The following SLC32A1 variants were observed in gnomAD, a reference collection of about 807,000 sequenced individuals.
SLC32A1 encodes vesicular inhibitory amino acid transporter.
SLC32A1 carries 8 observed loss-of-function variants against 35.5 expected under a neutral mutation model. The ratio of observed to expected loss-of-function variants is 0.23; its 90% CI spans 0.13 to 0.41. SLC32A1 has a LOEUF of 0.41. Among genes scored for constraint, SLC32A1 ranks in the 10% least tolerant of loss-of-function variants. The pLI is 1.00. For missense variants in SLC32A1, 493 were observed against 722.3 expected, an observed-to-expected ratio of 0.68 and a Z score of 3.64; for synonymous variants, 317 against 326.3, an observed-to-expected ratio of 0.97 and a Z score of 0.31.
Position 38,728,672 on chromosome 20 carries a change from G to A in SLC32A1, c.*33G>A, listed in dbSNP as rs778899279. Reference sequence around the variant, plus strand: ...GGGCGAGCCCCCGCCGCGCTTCTGCGCTCTCTCCCTTCTCCCCTCACCCCG... The same window carrying A: ...GGGCGAGCCCCCGCCGCGCTTCTGCACTCTCTCCCTTCTCCCCTCACCCCG... On this transcript the variant is annotated 3_prime_UTR_variant, in exon 2 of 2. Transcript: ENST00000217420. The A allele has an allele frequency of 4.5e-6, 7 of 1,544,988 alleles. No homozygotes were observed. Among genetic ancestry groups the A allele is most frequent in the Non-Finnish European group, 6.1e-6 (7 of 1,143,438 alleles).
In SLC32A1 at chr20:38,727,664, G is replaced by A; in HGVS notation, c.603G>A (p.Leu201=). 3 of 1,614,156 alleles carry A rather than the reference G, an allele frequency of 1.9e-6. No individual in the cohort carries two copies. The highest frequency in any genetic ancestry group is 1.1e-5 in the South Asian group (1 of 91,086). Reference sequence around the variant, plus strand: ...GCTGCGCCCCGCGCTTCCCAACGCTGGGCGGCCGAGTGGTGAACGTAGCGC... The same window carrying A: ...GCTGCGCCCCGCGCTTCCCAACGCTAGGCGGCCGAGTGGTGAACGTAGCGC... The part of the protein sequence containing the change: ...NACCAPRFPT[L]GGRVVNVAQI... Residue 201 remains leucine, a synonymous_variant, in exon 2 of 2, where the codon CTG becomes CTA. Transcript: ENST00000217420.
Position 38,724,653 on chromosome 20 carries a change from C to A in SLC32A1, c.-72C>A. 6.6e-7 allele frequency: 1 copy of A among 1,522,134 alleles called. No homozygotes were observed. The highest frequency in any genetic ancestry group is 1.3e-5 in the South Asian group (1 of 78,464). 94.3% of individuals were successfully genotyped at this position (1,522,134 alleles called of 1,614,324 possible). On this transcript the variant is annotated 5_prime_UTR_variant, in exon 1 of 2. Transcript: ENST00000217420. ...GAGATAGCGACTTTGCGCCCCCCAG[C>A]CCTCGCCTTCTTGCATCGCGTTCCC... is the stretch of plus-strand genomic sequence containing the variant.
At position 38,728,750 on chromosome 20, in the gene SLC32A1, A is replaced by C; in HGVS notation, c.*111A>C. ...CCGCGCTTGGGAGGCCAAGCTTTAA[A>C]CATCTCTGGTTCCTAGTTTCTGATT... On this transcript the variant is annotated 3_prime_UTR_variant, in exon 2 of 2. Coordinates refer to ENST00000217420, the MANE Select transcript of SLC32A1 (RefSeq NM_080552.3). The C allele has an allele frequency of 3.0e-6, 2 of 663,828 alleles. No individual in the cohort carries two copies. Among genetic ancestry groups the C allele is most frequent in the Non-Finnish European group, 4.6e-6 (2 of 439,280 alleles). 41.1% of individuals were successfully genotyped at this position (663,828 alleles called of 1,614,324 possible). A position where few individuals can be genotyped will look rare whatever the true frequency, so the allele number is the denominator to read the frequency against.
rs1429390897 is a variant in SLC32A1 at position 38,726,878 on chromosome 20, C to T, written c.391-574C>T. 1.3e-5 allele frequency among the ~76,000 whole-genome samples: 2 copies of T among 152,142 alleles called. No individual in the cohort carries two copies. The highest frequency in any genetic ancestry group is 1.3e-4 in the Admixed American group (2 of 15,286). ...CCTCTCTACCCTATTTCCTTTTCGC[C>T]TCACAACTGCAGCCTTTAACGTTTC... On this transcript the variant is annotated intron_variant, in intron 1 of 1. Coordinates refer to ENST00000217420, the MANE Select transcript of SLC32A1 (RefSeq NM_080552.3). The surrounding 1 kb of genome is among the most constrained non-coding windows in gnomAD (Gnocchi z 4.7).
rs1181634190 is a variant in SLC32A1, at chr20:38,729,047, G to A, written c.*408G>A. ...ATCCATCCAGAGCTCGGAATCTACA[G>A]CGTCCAGCCATTTCCAGCAAGAGCG... On this transcript the variant is annotated 3_prime_UTR_variant, in exon 2 of 2. Transcript: ENST00000217420. 5.9e-6 allele frequency: 1 copy of A among 170,786 alleles called. No individual in the cohort carries two copies. The highest frequency in any genetic ancestry group is 2.4e-5 in the African/African-American group (1 of 42,080). The allele number at this position is 170,786 out of a possible 1,614,324, so 10.6% of individuals were successfully genotyped here.
In SLC32A1 at chr20:38,726,454, G is replaced by A. The variant is rs1044951789; in HGVS notation, c.391-998G>A. Reference sequence around the variant, plus strand: ...GCGACTTCCCGGGGCGTCTTTCAAGGCTCCGTTTGATAGGCCCCAAGGGAG... The same window carrying A: ...GCGACTTCCCGGGGCGTCTTTCAAGACTCCGTTTGATAGGCCCCAAGGGAG... On this transcript the variant is annotated intron_variant, in intron 1 of 1. Coordinates refer to ENST00000217420, the MANE Select transcript of SLC32A1 (RefSeq NM_080552.3). This position sits in a 1 kb window ranked among gnomAD's most constrained non-coding sequence, Gnocchi z 4.7. 1.3e-5 allele frequency among the ~76,000 whole-genome samples: 2 copies of A among 152,156 alleles called. No individual in the cohort carries two copies. Among genetic ancestry groups the A allele is most frequent in the African/African-American group, 2.4e-5 (1 of 41,444 alleles).
At position 38,725,043 on chromosome 20, in the gene SLC32A1, G is replaced by A. The variant is rs748975423; in HGVS notation, c.319G>A (p.Glu107Lys). Residue 107 changes from glutamate (E) to lysine (K), a missense_variant, in exon 1 of 2, where the codon GAA (glutamate) becomes AAA (lysine). Coordinates refer to ENST00000217420, the MANE Select transcript of SLC32A1 (RefSeq NM_080552.3). ...GSKDQVGGGG[E>K]FGGHDKPKIT... ...CAAGGACCAGGTGGGAGGTGGTGGC[G>A]AATTCGGGGGCCACGACAAGCCCAA... The A allele has an allele frequency of 7.2e-6, 11 of 1,531,682 alleles. No homozygotes were observed. Among genetic ancestry groups the A allele is most frequent in the Non-Finnish European group, 9.6e-6 (11 of 1,141,426 alleles). 94.9% of individuals were successfully genotyped at this position (1,531,682 alleles called of 1,614,324 possible). A position where few individuals can be genotyped will look rare whatever the true frequency, so the allele number is the denominator to read the frequency against.
In SLC32A1 at chr20:38,724,940, C is replaced by A. The variant is rs759562550; in HGVS notation, c.216C>A (p.Asp72Glu). 1.2e-6 allele frequency: 2 copies of A among 1,610,254 alleles called. No individual in the cohort carries two copies. Among genetic ancestry groups the A allele is most frequent in the South Asian group, 1.1e-5 (1 of 90,802 alleles). Residue 72 changes from aspartate (D) to glutamate (E), a missense_variant, in exon 1 of 2, where the codon GAC becomes GAA. By Grantham distance (45) the Asp-to-Glu change is conservative. Transcript: ENST00000217420. ...AAGCCGAGGGAGAGCCCTGCGGGGA[C>A]GAGGGCGCTGAAGCGCCCGTCGAGG... is the stretch of plus-strand genomic sequence containing the variant. Reference protein sequence around the residue: ...ILKAEGEPCGDEGAEAPVEGD... With the variant: ...ILKAEGEPCGEEGAEAPVEGD...
Position 38,728,776 on chromosome 20 carries a change from A to T in SLC32A1, c.*137A>T. On this transcript the variant is annotated 3_prime_UTR_variant, in exon 2 of 2. Transcript: ENST00000217420. ...CATCTCTGGTTCCTAGTTTCTGATTATTCGGGGATGGGGGGGATGGGAGGG... is the reference window on the plus strand; with the variant it reads ...CATCTCTGGTTCCTAGTTTCTGATTTTTCGGGGATGGGGGGGATGGGAGGG... The T allele has an allele frequency of 2.9e-5, 10 of 345,686 alleles. No homozygotes were observed. The highest frequency in any genetic ancestry group is 4.5e-5 in the Non-Finnish European group (8 of 178,372). 21.4% of individuals were successfully genotyped at this position (345,686 alleles called of 1,614,324 possible).
chr20:38,728,961 A>T lies in SLC32A1; in HGVS notation c.*322A>T. ...GTTCCAGTCATCGAGGGGGTTGGGA[A>T]GGGAGGGAGAGGGGGCGCAGCTCGC... On this transcript the variant is annotated 3_prime_UTR_variant, in exon 2 of 2. Transcript: ENST00000217420. The T allele has an allele frequency of 5.9e-5, 15 of 254,792 alleles. No homozygotes were observed. The highest frequency in any genetic ancestry group is 1.6e-4 in the East Asian group (2 of 12,740). 15.8% of individuals were successfully genotyped at this position (254,792 alleles called of 1,614,324 possible).
chr20:38,725,256 G>A, intron 1 of SLC32A1, 142 bp downstream of exon 1: 1 of 1,117,356 alleles, frequency 8.9e-7, no homozygotes, highest in East Asian at 3.0e-5. Flanking sequence ...ATCCCTCCCA[G>A]CCCTGCGCGG....
Position 38,724,538 on chromosome 20 carries a change from C to T in SLC32A1, c.-187C>T. ...GCCGCTCCGCCAGACCTGCTGCCAG[C>T]TTGCCCGGTCCAGCCCTGAGAGAGC... is the stretch of plus-strand genomic sequence containing the variant. On this transcript the variant is annotated 5_prime_UTR_variant, in exon 1 of 2. Coordinates refer to ENST00000217420, the MANE Select transcript of SLC32A1 (RefSeq NM_080552.3). 1 of 718,610 alleles carries T rather than the reference C, an allele frequency of 1.4e-6. No homozygotes were observed. The highest frequency in any genetic ancestry group is 2.2e-6 in the Non-Finnish European group (1 of 460,138). 44.5% of individuals were successfully genotyped at this position (718,610 alleles called of 1,614,324 possible).
chr20:38,727,421 G>A (rs753430162), intron 1 of SLC32A1, 31 bp from the exon 2 acceptor site: 4 of 1,591,982 alleles, frequency 2.5e-6, no homozygotes, highest in East Asian at 2.2e-5. Flanking sequence ...TTCGCTGAGC[G>A]TCCGCGTCTG....
chr20:38,724,676 C>A lies in SLC32A1; in HGVS notation c.-49C>A. 1.3e-6 allele frequency: 2 copies of A among 1,537,186 alleles called. No homozygotes were observed. The highest frequency in any genetic ancestry group is 1.3e-5 in the South Asian group (1 of 79,732). On this transcript the variant is annotated 5_prime_UTR_variant, in exon 1 of 2. Coordinates refer to ENST00000217420, the MANE Select transcript of SLC32A1 (RefSeq NM_080552.3). ...AGCCCTCGCCTTCTTGCATCGCGTT[C>A]CCCGCATCCTCGGGTCCTTCTGTCC...
rs34068158 is a variant in SLC32A1, at chr20:38,726,774, C to G, written c.391-678C>G. Reference sequence around the variant, plus strand: ...ATTTCCAGCCCTGCTTCCTCCTCCCCGCGCGCTGCTCCCCAAGCGTCTTCA... The same window carrying G: ...ATTTCCAGCCCTGCTTCCTCCTCCCGGCGCGCTGCTCCCCAAGCGTCTTCA... On this transcript the variant is annotated intron_variant, in intron 1 of 1. Transcript: ENST00000217420. The surrounding 1 kb of genome is among the most constrained non-coding windows in gnomAD (Gnocchi z 4.7). Among the ~76,000 whole-genome samples the G allele has an allele frequency of 6.6e-6, 1 of 152,118 alleles. No homozygotes were observed. Among genetic ancestry groups the G allele is most frequent in the Non-Finnish European group, 1.5e-5 (1 of 68,008 alleles).
chr20:38,728,397 A>T lies in SLC32A1; in HGVS notation c.1336A>T (p.Met446Leu). 6.2e-7 allele frequency: 1 copy of T among 1,610,670 alleles called. No individual in the cohort carries two copies. ...CGCGCTCGTCGTCTTCACGCTGCTC[A>T]TGGCCATTTATGTGCCGCACTTCGC... is the stretch of plus-strand genomic sequence containing the variant. The part of the protein sequence containing the change: ...RCALVVFTLL[M>L]AIYVPHFALL... The change falls in exon 2 of 2, where the codon ATG (methionine) becomes TTG (leucine). Residue 446 changes from methionine (M) to leucine (L), a missense_variant. Met to Leu is a conservative substitution (Grantham distance 15, BLOSUM62 2). This residue lies in a region of SLC32A1 where 269 missense variants were observed against 445.6 expected (regional missense o/e 0.60). Coordinates refer to ENST00000217420, the MANE Select transcript of SLC32A1 (RefSeq NM_080552.3).
chr20:38,728,114 G>A lies in SLC32A1; in HGVS notation c.1053G>A (p.Lys351=), dbSNP rs764888437. 5 of 1,613,986 alleles carry A rather than the reference G, an allele frequency of 3.1e-6. No homozygotes were observed. In the African/African-American group the frequency reaches 5.3e-5, roughly 17 times the overall value. The change falls in exon 2 of 2, where the codon AAG becomes AAA. Residue 351 remains lysine (K), a synonymous_variant. Coordinates refer to ENST00000217420, the MANE Select transcript of SLC32A1 (RefSeq NM_080552.3). Reference sequence around the variant, plus strand: ...CGCACATCGCAGCCTGCGTGCTCAAGGGCCTCTTCGCGCTCGTCGCCTACC... The same window carrying A: ...CGCACATCGCAGCCTGCGTGCTCAAAGGCCTCTTCGCGCTCGTCGCCTACC... ...NWTHIAACVL[K]GLFALVAYLT...
In SLC32A1 at chr20:38,727,988, C is replaced by T; in HGVS notation, c.927C>T (p.Ser309=). ...FYIDVKKFPI[S]IGIIVFSYTS... ...TCGACGTCAAGAAGTTCCCCATCTC[C>T]ATTGGCATCATCGTGTTCAGCTACA... The change falls in exon 2 of 2, where the codon TCC becomes TCT. Residue 309 remains serine, a synonymous_variant. Transcript: ENST00000217420. The T allele has an allele frequency of 1.2e-6, 2 of 1,614,148 alleles. No homozygotes were observed. The highest frequency in any genetic ancestry group is 1.1e-5 in the South Asian group (1 of 91,086).
In SLC32A1 at chr20:38,724,603, C is replaced by T; in HGVS notation, c.-122C>T. ...GCGAGGGTCATGAGCCAGAGAGCCC[C>T]GGGGCGCCGCGCGGAGAGCAAGCGG... On this transcript the variant is annotated 5_prime_UTR_variant, in exon 1 of 2. Coordinates refer to ENST00000217420, the MANE Select transcript of SLC32A1 (RefSeq NM_080552.3). 2 of 1,265,456 alleles carry T rather than the reference C, an allele frequency of 1.6e-6. No individual in the cohort carries two copies. The highest frequency in any genetic ancestry group is 1.1e-6 in the Non-Finnish European group (1 of 937,480). The allele number at this position is 1,265,456 out of a possible 1,614,324, so 78.4% of individuals were successfully genotyped here.
Sources: allele counts gnomAD v4.1 joint callset (sites outside exome capture counted in the v4.1 genomes callset), GRCh38; gene constraint gnomAD v4.1.1; regional missense constraint gnomAD v4.1.1; non-coding constraint Gnocchi (gnomAD v3.1); transcripts MANE v1.5; gene names NCBI Gene and HGNC (gene_info 2026-07-23, HGNC 2026-07-21).